The following SF3A1 variants were observed in gnomAD, a reference collection of about 807,000 sequenced individuals.
The protein encoded by SF3A1 is SAP 114.
Under a neutral mutation model 89.9 loss-of-function variants are expected in SF3A1, and 13 were observed. That is an observed-to-expected ratio of 0.14 (90% CI 0.09 to 0.23). The LOEUF (loss-of-function observed/expected upper bound fraction) is 0.23, where lower values mean the gene tolerates loss of function less well. Among genes scored for constraint, SF3A1 ranks in the 10% least tolerant of loss-of-function variants. SF3A1 has a pLI of 1.00. For missense variants in SF3A1, 604 were observed against 1,022.1 expected (o/e 0.59, Z 5.58); for synonymous variants, 405 against 374.4 (o/e 1.08, Z -0.94).
In SF3A1 at chr22:30,336,971, G is replaced by A. The variant is rs111726482; in HGVS notation, c.2106+55C>T. On this transcript the variant is annotated intron_variant, in intron 13 of 15. Coordinates refer to ENST00000215793, the MANE Select transcript of SF3A1 (RefSeq NM_005877.6). Reference sequence around the variant, plus strand: ...GGTCAGTTTCGCAAGTGTACGACAGGGGCGGGACTGAACCCTCCAGCTAGA... The same window carrying A: ...GGTCAGTTTCGCAAGTGTACGACAGAGGCGGGACTGAACCCTCCAGCTAGA... 8.7e-6 allele frequency: 14 copies of A among 1,605,362 alleles called. No homozygotes were observed. The African/African-American group carries it at 1.5e-4, about 17-fold the overall frequency.
chr22:30,342,948 G>A, intron 4 of SF3A1, 69 bp from the exon 5 acceptor site: 1 of 990,552 alleles, frequency 1.0e-6, no homozygotes, highest in Non-Finnish European at 1.6e-6. Flanking sequence ...AGCCTTCCTG[G>A]GCCTGTGATA....
chr22:30,354,258 C>T (rs1346445377), intron 1 of SF3A1, among the ~76,000 whole-genome samples: 2 of 152,292 alleles, frequency 1.3e-5, no homozygotes, highest in South Asian at 4.2e-4. Flanking sequence ...AGCTAAACAT[C>T]CTGAGTTCTC....
At chr22:30,349,667 T>C (rs56197709) in intron 2 of SF3A1, among the ~76,000 whole-genome samples, 54 of 80,398 alleles carry the variant, frequency 6.7e-4, no homozygotes, top group Middle Eastern at 8.5e-3. Flanking sequence ...TTTTTCTTTC[T>C]TTTTTTTTTT....
rs773169395 is a variant in SF3A1 at position 30,346,516 on chromosome 22, G to A, written c.189C>T (p.Asn63=). ...VDKTASFVAR[N]GPEFEARIRQ... ...GGATCCTAGCTTCAAATTCAGGCCC[G>A]TTTCTGGAGGAAGAAAAAACAACAA... Residue 63 remains asparagine (N), a synonymous_variant, in exon 3 of 16, where the codon AAC becomes AAT. Transcript: ENST00000215793. 2.7e-5 allele frequency: 44 copies of A among 1,613,792 alleles called. No individual in the cohort carries two copies. Among genetic ancestry groups the A allele is most frequent in the Middle Eastern group, 3.3e-4 (2 of 6,082 alleles).
At position 30,340,368 on chromosome 22, in the gene SF3A1, C is replaced by T; in HGVS notation, c.1203G>A (p.Leu401=). The T allele has an allele frequency of 6.2e-7, 1 of 1,611,776 alleles. No individual in the cohort carries two copies. Among genetic ancestry groups the T allele is most frequent in the Non-Finnish European group, 8.5e-7 (1 of 1,179,446 alleles). The change falls in exon 9 of 16, where the codon TTG becomes TTA. Residue 401 remains leucine (L), a synonymous_variant. Coordinates refer to ENST00000215793, the MANE Select transcript of SF3A1 (RefSeq NM_005877.6). ...ACTCATCTGGAGCAGGGGCTGGAGG[C>T]AAGGGCTTGGAGGCTAAAAGGAAAC... The part of the protein sequence containing the change: ...KDYDPKASKP[L]PPAPAPDEYL...
At chr22:30,346,823 T>TA (rs1007422080) in intron 2 of SF3A1, among the ~76,000 whole-genome samples, 17 of 151,914 alleles carry the variant, frequency 1.1e-4, no homozygotes, top group Non-Finnish European at 1.5e-5. Context: ...AAATTTACTT[T>TA]AAAAAAAATC....
At position 30,346,338 on chromosome 22, in the gene SF3A1, T is replaced by TCTG. The variant is rs753907540; in HGVS notation, c.364_366dup (p.Gln122dup). On this transcript the variant is annotated inframe_insertion, in exon 3 of 16. Coordinates refer to ENST00000215793, the MANE Select transcript of SF3A1 (RefSeq NM_005877.6). ...TTCTGGGGCAGCTGCTGCTGGGTGG[T>TCTG]CTGCTGCTGCTGCTGCATGACCTTG... is the stretch of plus-strand genomic sequence containing the variant. The TCTG allele has an allele frequency of 3.0e-5, 48 of 1,612,282 alleles. No individual in the cohort carries two copies. The highest frequency in any genetic ancestry group is 1.4e-4 in the South Asian group (13 of 90,980).
chr22:30,341,711 T>A lies in SF3A1; in HGVS notation c.1052A>T (p.Gln351Leu), dbSNP rs754537922. The A allele has an allele frequency of 1.2e-6, 2 of 1,614,044 alleles. No homozygotes were observed. Among genetic ancestry groups the A allele is most frequent in the Non-Finnish European group, 1.7e-6 (2 of 1,179,964 alleles). Residue 351 changes from glutamine (Q) to leucine (L), a missense_variant, in exon 7 of 16, where the codon CAA (glutamine) becomes CTA (leucine). This residue lies in a region of SF3A1 where 146 missense variants were observed against 228.5 expected (regional missense o/e 0.64). Coordinates refer to ENST00000215793, the MANE Select transcript of SF3A1 (RefSeq NM_005877.6). ...GCTTACCTCATCCATATCTTGTACT[T>A]GGGTGTCCTGGTCCAGCTGGGAAGG... ...EPPSQLDQDTQVQDMDEGSDD... is the reference protein window; with the variant it reads ...EPPSQLDQDTLVQDMDEGSDD...
intron 9 of SF3A1, among the ~76,000 whole-genome samples, chr22:30,339,741 T>G (rs1343477772): frequency 6.6e-6 from 1 of 151,958 alleles, no homozygotes; most frequent in African/African-American, 2.4e-5. Flanking sequence ...GGAGACAGAG[T>G]GAAACTCCGT....
chr22:30,338,121 A>C (rs761189183), intron 11 of SF3A1, among the ~76,000 whole-genome samples: 1 of 152,088 alleles, frequency 6.6e-6, no homozygotes, highest in Admixed American at 6.5e-5. Context: ...GGCGGGTCAA[A>C]CTCGACCTGC....
chr22:30,338,930 G>A lies in SF3A1; in HGVS notation c.1602C>T (p.Gly534=). 2 of 1,614,202 alleles carry A rather than the reference G, an allele frequency of 1.2e-6. No homozygotes were observed. Among genetic ancestry groups the A allele is most frequent in the Non-Finnish European group, 1.7e-6 (2 of 1,180,038 alleles). ...CTTTAGTGTCATCCTCTGGCACCAG[G>A]CCTTTGGCCTTGTGAATGGCCTCAA... ...EQIEAIHKAK[G]LVPEDDTKEK... The change falls in exon 11 of 16, where the codon GGC becomes GGT. Residue 534 remains glycine, a synonymous_variant. Transcript: ENST00000215793.
rs867283568 is a variant in SF3A1, at chr22:30,344,954, C to T, written c.630G>A (p.Lys210=). The T allele has an allele frequency of 1.5e-5, 25 of 1,614,220 alleles. No homozygotes were observed. In the Middle Eastern group the frequency reaches 3.0e-3, roughly 192 times the overall value. ...GCACCTTGGTGTACTGTTCCACTAG[C>T]TTCGTGAAGTAGTTGAAGAGGCTGT... ...PQHSLFNYFT[K]LVEQYTKILI... Residue 210 remains lysine (K), a synonymous_variant, in exon 4 of 16, where the codon AAG becomes AAA. Coordinates refer to ENST00000215793, the MANE Select transcript of SF3A1 (RefSeq NM_005877.6).
intron 2 of SF3A1, among the ~76,000 whole-genome samples, chr22:30,350,322 T>C (rs5753087): frequency 7.2e-6 from 1 of 139,328 alleles, no homozygotes; most frequent in Non-Finnish European, 1.6e-5. Flanking sequence ...ATAAAAAAAA[T>C]AAAAAAAAAA....
intron 3 of SF3A1, among the ~76,000 whole-genome samples, chr22:30,346,050 T>A (rs1309638064): frequency 6.6e-6 from 1 of 152,146 alleles, no homozygotes; most frequent in Admixed American, 6.5e-5. Context: ...ACTCTCAGGT[T>A]CCTCATACAG....
chr22:30,342,441 G>C, intron 5 of SF3A1, 91 bp from the exon 6 acceptor site: 11 of 1,382,380 alleles, frequency 8.0e-6, no homozygotes, highest in Non-Finnish European at 1.1e-5. Context: ...CAAAGTCAGC[G>C]CCTCCTTCGG....
In SF3A1 at chr22:30,337,865, G is replaced by A. The variant is rs201993522; in HGVS notation, c.1776C>T (p.Ser592=). 227 of 1,608,216 alleles carry A rather than the reference G, an allele frequency of 1.4e-4. 1 individual carries two copies. The Admixed American group carries it at 3.2e-3, about 23-fold the overall frequency. ...GGGGCCGGGGCATGACGGGTACTGC[G>A]GAGACAACTGTAGTACGAACTGGAG... ...MPPPVRTTVV[S]AVPVMPRPPM... is the part of the protein sequence containing the mutation. Residue 592 remains serine (S), a synonymous_variant, in exon 12 of 16, where the codon TCC becomes TCT. Transcript: ENST00000215793.
chr22:30,337,659 T>C, intron 12 of SF3A1, 31 bp downstream of exon 12: 1 of 981,208 alleles, frequency 1.0e-6, no homozygotes. Flanking sequence ...CCTGAACTAA[T>C]GGCCTGGAAA....
Position 30,333,233 on chromosome 22 carries a change from C to A in SF3A1, c.*1361G>T, listed in dbSNP as rs1930968054. 1 of 152,232 alleles carries A rather than the reference C, an allele frequency of 6.6e-6. No individual in the cohort carries two copies. The highest frequency in any genetic ancestry group is 1.5e-5 in the Non-Finnish European group (1 of 68,072). The allele number at this position is 152,232 out of a possible 1,614,324, so 9.4% of individuals were successfully genotyped here. A position where few individuals can be genotyped will look rare whatever the true frequency, so the allele number is the denominator to read the frequency against. ...TTGTAATAAAGCCATAAAACTGGTA[C>A]TGACTCTGGGTGAGAGGGAGAGGCA... On this transcript the variant is annotated 3_prime_UTR_variant, in exon 16 of 16. Transcript: ENST00000215793.
At chr22:30,351,930 G>A (rs1471770493) in intron 2 of SF3A1, among the ~76,000 whole-genome samples, 1 of 152,260 alleles carries the variant, frequency 6.6e-6, no homozygotes, top group African/African-American at 2.4e-5. Context: ...AGAATGTACT[G>A]ACCTTTGGAG....
Sources: gnomAD v4.1 joint callset for allele counts (sites outside exome capture counted in the v4.1 genomes callset) on GRCh38, gnomAD v4.1.1 for gene constraint, gnomAD v4.1.1 regional missense constraint, MANE v1.5 for transcripts, NCBI Gene and HGNC (gene_info 2026-07-23, HGNC 2026-07-21) for gene names.